The following CRIP2 variants were observed in gnomAD, a reference collection of about 807,000 sequenced individuals.
The protein encoded by CRIP2 is cysteine rich protein 2.
In CRIP2, 31 loss-of-function variants were observed where a neutral mutation model predicts 31.3. The ratio of observed to expected loss-of-function variants is 0.99; its 90% confidence interval spans 0.74 to 1.34. The LOEUF (loss-of-function observed/expected upper bound fraction) is 1.34. Among genes scored for constraint, CRIP2 ranks in the 40% most tolerant of loss-of-function variants. CRIP2 has a pLI of 0.00. For missense variants in CRIP2, 389 were observed against 301.6 expected (o/e 1.29, Z -2.15); for synonymous variants, 177 against 127.2 (o/e 1.39, Z -2.63).
chr14:105,474,373 T>G (rs1284278913), upstream of CRIP2: 2 of 146,428 alleles, frequency 1.4e-5, no homozygotes, highest in African/African-American at 5.1e-5. The surrounding 1 kb of genome is among the most constrained non-coding windows in gnomAD (Gnocchi z 5.1). Flanking sequence ...GGGGTGGGGG[T>G]GGGGTTCTCC....
chr14:105,478,852 C>T lies in CRIP2; in HGVS notation c.318C>T (p.Pro106=), dbSNP rs2084015868. 2.1e-6 allele frequency: 3 copies of T among 1,425,962 alleles called. No homozygotes were observed. The highest frequency in any genetic ancestry group is 3.1e-5 in the Admixed American group (1 of 32,608). 88.3% of individuals were successfully genotyped at this position (1,425,962 alleles called of 1,614,324 possible). Residue 106 remains proline, a synonymous_variant, in exon 4 of 8, where the codon CCC becomes CCT. Coordinates refer to ENST00000329146, the MANE Select transcript of CRIP2 (RefSeq NM_001312.4). This position sits in a 1 kb window ranked among gnomAD's most constrained non-coding sequence, Gnocchi z 4.9. ...ARAEERKASG[P]PKGPSRASSV... is the part of the protein sequence containing the mutation. ...CAGAGGAGCGGAAGGCGAGCGGCCC[C>T]CCGAAGGGGCCCAGCAGAGGTGGGC... is the stretch of plus-strand genomic sequence containing the variant.
intron 1 of CRIP2, chr14:105,476,285 G>A (rs1331923968): frequency 6.1e-6 from 6 of 985,324 alleles, no homozygotes; most frequent in South Asian, 4.7e-5. Flanking sequence ...TGCCTGGCCC[G>A]CCCAGCCTCT....
intron 1 of CRIP2, chr14:105,476,306 C>G (rs1171736732): frequency 3.0e-6 from 3 of 985,406 alleles, no homozygotes; most frequent in African/African-American, 1.7e-5. Context: ...CAGCGGAAAA[C>G]AAAGGCGCTT....
intron 6 of CRIP2, 49 bp from the exon 7 acceptor site, chr14:105,479,387 G>A (rs2141760493): frequency 6.2e-7 from 1 of 1,610,310 alleles, no homozygotes. Context: ...CAGGTGATGG[G>A]TCGGGGGAGT....
intron 6 of CRIP2, 40 bp downstream of exon 6, chr14:105,479,259 C>CG: frequency 7.6e-7 from 1 of 1,322,614 alleles, no homozygotes; most frequent in South Asian, 1.2e-5. Flanking sequence ...CGGGCAGGGG[C>CG]GCGGGGTCGG....
intron 1 of CRIP2, chr14:105,476,433 G>A (rs1204640832): frequency 1.0e-6 from 1 of 985,408 alleles, no homozygotes; most frequent in Non-Finnish European, 1.2e-6. Context: ...AACCCAGGCT[G>A]GGATGTCGGA....
chr14:105,473,188 A>G (rs1555435105), upstream of CRIP2: 2 of 1,524,200 alleles, frequency 1.3e-6, no homozygotes, highest in East Asian at 2.5e-5. Flanking sequence ...GCTGTGAGGG[A>G]CCCCTAGGGA....
At chr14:105,477,192 A>C (rs1393350078) in intron 1 of CRIP2, 3 of 846,116 alleles carry the variant, frequency 3.5e-6, no homozygotes, top group Admixed American at 6.3e-5. Flanking sequence ...GCCCCTCCCC[A>C]CCTCTTCCTG....
Position 105,478,253 on chromosome 14 carries a change from C to G in CRIP2, c.44-13C>G. ...GCCCCGGCCCTGACCCCCCTGCCGC[C>G]CCTCCCGCTCAGCCGAGAAGGTGAG... On this transcript the variant is annotated splice_polypyrimidine_tract_variant and intron_variant, in intron 1 of 7. Transcript: ENST00000329146. The surrounding 1 kb of genome is among the most constrained non-coding windows in gnomAD (Gnocchi z 4.9). The G allele has an allele frequency of 6.5e-7, 1 of 1,532,896 alleles. No homozygotes were observed. The highest frequency in any genetic ancestry group is 2.5e-5 in the East Asian group (1 of 39,484). 95.0% of individuals were successfully genotyped at this position (1,532,896 alleles called of 1,614,324 possible).
upstream of CRIP2, chr14:105,474,520 GGGACGGCCCGGCC>G (rs1313734385): frequency 6.6e-6 from 1 of 150,848 alleles, no homozygotes; most frequent in Non-Finnish European, 1.5e-5. This position sits in a 1 kb window ranked among gnomAD's most constrained non-coding sequence, Gnocchi z 5.1. Context: ...CGCCGCCCCG[GGGACGGCCCGGCC>G]AGGCGGCCCC....
intron 5 of CRIP2, 28 bp downstream of exon 5, chr14:105,479,075 C>A (rs782636932): frequency 1.9e-6 from 3 of 1,567,844 alleles, no homozygotes; most frequent in East Asian, 2.3e-5. Flanking sequence ...CCCCGGACCC[C>A]CGCCCCCGCC....
intron 1 of CRIP2, chr14:105,476,104 C>G (rs1293753368): frequency 8.1e-6 from 8 of 985,434 alleles, no homozygotes; most frequent in Non-Finnish European, 7.2e-6. Flanking sequence ...GCTCAGCCCT[C>G]AGTCTCTGTC....
rs782012501 is a variant in CRIP2 at position 105,478,242 on chromosome 14, C to A, written c.44-24C>A. Reference sequence around the variant, plus strand: ...GTGCGGGGCGCGCCCCGGCCCTGACCCCCCTGCCGCCCCTCCCGCTCAGCC... The same window carrying A: ...GTGCGGGGCGCGCCCCGGCCCTGACACCCCTGCCGCCCCTCCCGCTCAGCC... On this transcript the variant is annotated intron_variant, in intron 1 of 7. Transcript: ENST00000329146. The surrounding 1 kb of genome is among the most constrained non-coding windows in gnomAD (Gnocchi z 4.9). The A allele has an allele frequency of 4.6e-6, 7 of 1,515,900 alleles. No individual in the cohort carries two copies. The highest frequency in any genetic ancestry group is 6.2e-6 in the Non-Finnish European group (7 of 1,133,842). The allele number at this position is 1,515,900 out of a possible 1,614,324, so 93.9% of individuals were successfully genotyped here.
At position 105,478,586 on chromosome 14, in the gene CRIP2, C is replaced by T; in HGVS notation, c.196+79C>T. 1 of 1,537,592 alleles carries T rather than the reference C, an allele frequency of 6.5e-7. No individual in the cohort carries two copies. The highest frequency in any genetic ancestry group is 8.8e-7 in the Non-Finnish European group (1 of 1,141,588). ...GCTGGCGCTGGGGAGGGCTGGGGGT[C>T]CCGGCCGCCGTGGATCCCCGCCCAG... On this transcript the variant is annotated intron_variant, in intron 3 of 7. Transcript: ENST00000329146. This position sits in a 1 kb window ranked among gnomAD's most constrained non-coding sequence, Gnocchi z 4.9.
At chr14:105,473,284 G>A, upstream of CRIP2, 1 of 1,492,302 alleles carries the variant, frequency 6.7e-7, no homozygotes, top group Non-Finnish European at 8.9e-7. Context: ...GCTGGCACAG[G>A]TCCCAAGTGC....
chr14:105,478,392 G>A lies in CRIP2; in HGVS notation c.138+32G>A, dbSNP rs781889897. 14 of 1,573,070 alleles carry A rather than the reference G, an allele frequency of 8.9e-6. No individual in the cohort carries two copies. Among genetic ancestry groups the A allele is most frequent in the Admixed American group, 5.4e-5 (3 of 55,140 alleles). On this transcript the variant is annotated intron_variant, in intron 2 of 7. Transcript: ENST00000329146. The surrounding 1 kb of genome is among the most constrained non-coding windows in gnomAD (Gnocchi z 4.9). ...CCCACTGCGCGGCGCGGGCGGGGGC[G>A]GGGGTCGCGACTCCCGCCACCCTCA...
At chr14:105,473,462 G>A (rs2141741334), upstream of CRIP2, 4 of 1,535,692 alleles carry the variant, frequency 2.6e-6, no homozygotes, top group African/African-American at 2.7e-5. Context: ...GAGCACCGAG[G>A]GCCTCTGGTT....
Position 105,474,879 on chromosome 14 carries a change from C to G in CRIP2, c.17C>G (p.Pro6Arg), listed in dbSNP as rs1171311208. 1 of 1,518,856 alleles carries G rather than the reference C, an allele frequency of 6.6e-7. No individual in the cohort carries two copies. The highest frequency in any genetic ancestry group is 8.8e-7 in the Non-Finnish European group (1 of 1,133,408). The allele number at this position is 1,518,856 out of a possible 1,614,324, so 94.1% of individuals were successfully genotyped here. A position where few individuals can be genotyped will look rare whatever the true frequency, so the allele number is the denominator to read the frequency against. The part of the protein sequence containing the change: MASKC[P>R]KCDKTVYFAE... ...GCACCGACCATGGCCTCCAAATGCC[C>G]CAAGTGCGACAAGACCGTGTACTTC... The change falls in exon 1 of 8, where the codon CCC (proline) becomes CGC (arginine). Residue 6 changes from proline to arginine, a missense_variant. By Grantham distance (103) the Pro-to-Arg change is moderately radical. Transcript: ENST00000329146. The surrounding 1 kb of genome is among the most constrained non-coding windows in gnomAD (Gnocchi z 5.1).
Position 105,479,779 on chromosome 14 carries a change from A to T in CRIP2, c.*126A>T. The T allele has an allele frequency of 2.9e-6, 3 of 1,050,848 alleles. No individual in the cohort carries two copies. The highest frequency in any genetic ancestry group is 4.2e-6 in the Non-Finnish European group (3 of 717,798). 65.1% of individuals were successfully genotyped at this position (1,050,848 alleles called of 1,614,324 possible). A position where few individuals can be genotyped will look rare whatever the true frequency, so the allele number is the denominator to read the frequency against. ...CCTGCAAGCCCAGGGCGAGTATTGG[A>T]GGAGGGGCAGCCACGGGCAGAGCAC... On this transcript the variant is annotated 3_prime_UTR_variant, in exon 8 of 8. Transcript: ENST00000329146.
Sources: gnomAD v4.1 joint callset for allele counts on GRCh38, gnomAD v4.1.1 for gene constraint, Gnocchi (gnomAD v3.1) non-coding constraint, MANE v1.5 for transcripts, NCBI Gene and HGNC (gene_info 2026-07-23, HGNC 2026-07-21) for gene names.